Variants in CRIPT observed in about 807,000 individuals in gnomAD.
CRIPT encodes the protein cysteine-rich PDZ-binding protein.
Under a neutral mutation model 16.6 loss-of-function variants are expected in CRIPT, and 20 were observed. The observed-to-expected ratio is 1.20, with a 90% CI of 0.85 to 1.75. CRIPT has a LOEUF of 1.75. CRIPT is among the 40% of genes most tolerant of loss of function. The pLI is 0.00. For synonymous variants in CRIPT, 42 were observed against 37.0 expected (o/e 1.14, Z -0.49); for missense variants, 133 against 115.3 (o/e 1.15, Z -0.70).
chr2:46,624,095 T>G, intron 4 of CRIPT, 68 bp from the exon 5 acceptor site: 1 of 1,034,992 alleles, frequency 9.7e-7, no homozygotes, highest in Non-Finnish European at 1.4e-6. Flanking sequence ...GTTTTAAGCT[T>G]CAGGATTGAC....
intron 2 of CRIPT, 23 bp downstream of exon 2, chr2:46,618,861 G>C (rs771417832): frequency 1.4e-6 from 2 of 1,444,602 alleles, no homozygotes; most frequent in South Asian, 2.4e-5. Flanking sequence ...TTAGAAAATA[G>C]GAATTTAACC....
In CRIPT at chr2:46,630,080, A is replaced by G. The variant is rs185966594; in HGVS notation, c.*5853A>G. On this transcript the variant is annotated 3_prime_UTR_variant, in exon 5 of 5. Transcript: ENST00000238892. ...CTAGATGTGGTGCCTCTTTACCCCA[A>G]TTACTTAAGTTTGTATTTCCAAAGA... 1.2e-4 allele frequency among the ~76,000 whole-genome samples: 18 copies of G among 152,222 alleles called. No individual in the cohort carries two copies. Among genetic ancestry groups the G allele is most frequent in the East Asian group, 1.2e-3 (6 of 5,190 alleles).
In CRIPT at chr2:46,629,319, C is replaced by G. The variant is rs541366461; in HGVS notation, c.*5092C>G. ...ACATCATACTCTTTACCCTTTAACA[C>G]TACACATGCACTTCATAAGAACAAG... On this transcript the variant is annotated 3_prime_UTR_variant, in exon 5 of 5. Transcript: ENST00000238892. Among the ~76,000 whole-genome samples the G allele has an allele frequency of 1.3e-5, 2 of 152,328 alleles. No individual in the cohort carries two copies. The highest frequency in any genetic ancestry group is 1.9e-4 in the East Asian group (1 of 5,182).
At chr2:46,617,648 G>C (rs1670697706) in intron 1 of CRIPT, among the ~76,000 whole-genome samples, 1 of 152,150 alleles carries the variant, frequency 6.6e-6, no homozygotes, top group African/African-American at 2.4e-5. Context: ...CATGTAAGAA[G>C]TATTGTTCTC....
intron 3 of CRIPT, among the ~76,000 whole-genome samples, chr2:46,622,481 T>C (rs940818671): frequency 4.6e-5 from 7 of 152,036 alleles, no homozygotes; most frequent in Admixed American, 3.9e-4. Context: ...ATTGAACTTA[T>C]TGAAAGGAAG....
chr2:46,627,554 A>G lies in CRIPT; in HGVS notation c.*3327A>G, dbSNP rs535079620. On this transcript the variant is annotated 3_prime_UTR_variant, in exon 5 of 5. Transcript: ENST00000238892. ...CACCTCCCAGGCTCAAGCGATTCTC[A>G]TGCCTCAGCCTCCCAACCTAACTGG... Among the ~76,000 whole-genome samples the G allele has an allele frequency of 6.6e-6, 1 of 151,012 alleles. No homozygotes were observed. Among genetic ancestry groups the G allele is most frequent in the South Asian group, 2.1e-4 (1 of 4,794 alleles).
intron 3 of CRIPT, among the ~76,000 whole-genome samples, chr2:46,623,189 G>A (rs1670852020): frequency 6.6e-6 from 1 of 152,034 alleles, no homozygotes; most frequent in Non-Finnish European, 1.5e-5. Context: ...TAATCATTTG[G>A]TATTGAAACA....
chr2:46,622,185 TGG>T (rs1670820436), intron 3 of CRIPT, among the ~76,000 whole-genome samples: 1 of 151,378 alleles, frequency 6.6e-6, no homozygotes, highest in African/African-American at 2.4e-5. Flanking sequence ...CTGGCTAACA[TGG>T]TGAAACCCTG....
rs1357335566 is a variant in CRIPT, at chr2:46,626,520, C to T, written c.*2293C>T. The stretch of plus-strand genomic sequence containing the variant: ...CTTTGAGAAATCTCCAAACTGCTTT[C>T]ACAGTGGCTGAACTAATTTGCATTT... On this transcript the variant is annotated 3_prime_UTR_variant, in exon 5 of 5. Transcript: ENST00000238892. Among the ~76,000 whole-genome samples the T allele has an allele frequency of 6.6e-6, 1 of 152,206 alleles. No homozygotes were observed. The highest frequency in any genetic ancestry group is 2.4e-5 in the African/African-American group (1 of 41,446).
chr2:46,618,708 G>A, intron 1 of CRIPT, 65 bp from the exon 2 acceptor site: 2 of 1,024,750 alleles, frequency 2.0e-6, no homozygotes, highest in Non-Finnish European at 3.0e-6. Context: ...TGAACCTTAG[G>A]CACAATGTAA....
intron 1 of CRIPT, among the ~76,000 whole-genome samples, chr2:46,617,541 C>T (rs1670694809): frequency 6.6e-6 from 1 of 152,272 alleles, no homozygotes. Context: ...CTTCCCCCAG[C>T]CCCAGATCTC....
rs985781652 is a variant in CRIPT at position 46,629,998 on chromosome 2, C to T, written c.*5771C>T. Among the ~76,000 whole-genome samples the T allele has an allele frequency of 4.6e-5, 7 of 152,052 alleles. No individual in the cohort carries two copies. Among genetic ancestry groups the T allele is most frequent in the Non-Finnish European group, 8.8e-5 (6 of 68,016 alleles). Reference sequence around the variant, plus strand: ...TCATTCTACTGTAAGGAAGAGGTTTCCCTTTATCATCAACTTCGAGTAAGT... The same window carrying T: ...TCATTCTACTGTAAGGAAGAGGTTTTCCTTTATCATCAACTTCGAGTAAGT... On this transcript the variant is annotated 3_prime_UTR_variant, in exon 5 of 5. Transcript: ENST00000238892.
chr2:46,628,714 T>C lies in CRIPT; in HGVS notation c.*4487T>C, dbSNP rs577225390. Reference sequence around the variant, plus strand: ...GTATTGTACCTCAGAACCATCTCCATATTCTCTAAATAATAATAATGATGG... The same window carrying C: ...GTATTGTACCTCAGAACCATCTCCACATTCTCTAAATAATAATAATGATGG... On this transcript the variant is annotated 3_prime_UTR_variant, in exon 5 of 5. Coordinates refer to ENST00000238892, the MANE Select transcript of CRIPT (RefSeq NM_014171.6). Among the ~76,000 whole-genome samples, 14 of 152,308 alleles carry C rather than the reference T, an allele frequency of 9.2e-5. No homozygotes were observed. The highest frequency in any genetic ancestry group is 1.8e-4 in the Non-Finnish European group (12 of 68,032).
intron 3 of CRIPT, among the ~76,000 whole-genome samples, chr2:46,620,698 A>ATG (rs1431691722): frequency 6.8e-6 from 1 of 147,444 alleles, no homozygotes; most frequent in Non-Finnish European, 1.5e-5. Flanking sequence ...ATATATATAT[A>ATG]TATGTAATAA....
chr2:46,623,594 T>C (rs1337889619), intron 3 of CRIPT, among the ~76,000 whole-genome samples, 170 bp from the exon 4 acceptor site: 1 of 152,304 alleles, frequency 6.6e-6, no homozygotes, highest in South Asian at 2.1e-4. Context: ...AGAGCAGAGA[T>C]GTACAGGCAT....
At position 46,628,894 on chromosome 2, in the gene CRIPT, A is replaced by C. The variant is rs1671007918; in HGVS notation, c.*4667A>C. ...CTTATGCCACAGCCAGAGTTGAAAA[A>C]TGCAGAAAAAAAGTTTAAAAACAAG... On this transcript the variant is annotated 3_prime_UTR_variant, in exon 5 of 5. Coordinates refer to ENST00000238892, the MANE Select transcript of CRIPT (RefSeq NM_014171.6). Among the ~76,000 whole-genome samples the C allele has an allele frequency of 6.6e-6, 1 of 152,264 alleles. No homozygotes were observed. The highest frequency in any genetic ancestry group is 2.4e-5 in the African/African-American group (1 of 41,478).
rs1322369486 is a variant in CRIPT at position 46,619,686 on chromosome 2, G to A, written c.137+5G>A. 3.7e-6 allele frequency: 6 copies of A among 1,608,260 alleles called. No individual in the cohort carries two copies. The highest frequency in any genetic ancestry group is 1.1e-5 in the South Asian group (1 of 90,176). ...TTTGACTTCAAAAAAAGCAAGGTGG[G>A]TAAGAGGATCCATCGATGGGTCACA... On this transcript the variant is annotated splice_donor_5th_base_variant and intron_variant, in intron 3 of 4. Coordinates refer to ENST00000238892, the MANE Select transcript of CRIPT (RefSeq NM_014171.6).
rs1319716989 is a variant in CRIPT at position 46,628,108 on chromosome 2, T to C, written c.*3881T>C. 7.2e-6 allele frequency among the ~76,000 whole-genome samples: 1 copy of C among 138,270 alleles called. No homozygotes were observed. Among genetic ancestry groups the C allele is most frequent in the Non-Finnish European group, 1.5e-5 (1 of 66,606 alleles). The allele number at this position is 138,270 out of a possible 152,430, so 90.7% of individuals were successfully genotyped here. On this transcript the variant is annotated 3_prime_UTR_variant, in exon 5 of 5. Coordinates refer to ENST00000238892, the MANE Select transcript of CRIPT (RefSeq NM_014171.6). The stretch of plus-strand genomic sequence containing the variant: ...TTCCATATGAATTTTAGAATGGATT[T>C]TTTCTTTTTTTTTTTTTTTGAGACG...
chr2:46,628,152 C>T lies in CRIPT; in HGVS notation c.*3925C>T, dbSNP rs1558721243. ...TGAGACGGAGTCTTGCTGTGTCTCC[C>T]AGGCTCTGAGTGCAGCTGTGCAATC... On this transcript the variant is annotated 3_prime_UTR_variant, in exon 5 of 5. Transcript: ENST00000238892. Among the ~76,000 whole-genome samples, 1 of 150,910 alleles carries T rather than the reference C, an allele frequency of 6.6e-6. No individual in the cohort carries two copies. The highest frequency in any genetic ancestry group is 1.5e-5 in the Non-Finnish European group (1 of 67,828).
Sources: allele counts gnomAD v4.1 joint callset (sites outside exome capture counted in the v4.1 genomes callset), GRCh38; gene constraint gnomAD v4.1.1; transcripts MANE v1.5; gene names NCBI Gene and HGNC (gene_info 2026-07-23, HGNC 2026-07-21).